Variants in DOCK7 observed in about 807,000 individuals in gnomAD.
The protein encoded by DOCK7 is dedicator of cytokinesis protein 7.
A neutral mutation model predicts 271.0 loss-of-function variants in DOCK7; 138 were observed. The observed-to-expected ratio is 0.51, with a 90% CI of 0.44 to 0.59. The LOEUF (loss-of-function observed/expected upper bound fraction) is 0.59. DOCK7 is among the 20% of genes least tolerant of loss of function. DOCK7 has a pLI of 0.00. For missense variants in DOCK7, 2,066 were observed against 2,592.4 expected (o/e 0.80, Z 4.41); for synonymous variants, 823 against 876.1 (o/e 0.94, Z 1.07).
chr1:62,529,251 A>T (rs750660471), intron 30 of DOCK7, 26 bp downstream of exon 30: 3 of 1,546,220 alleles, frequency 1.9e-6, no homozygotes. Context: ...TTTGCCTTTA[A>T]TATTTGCCTT....
At chr1:62,660,267 G>A (rs1296271589) in intron 2 of DOCK7, among the ~76,000 whole-genome samples, 1 of 152,102 alleles carries the variant, frequency 6.6e-6, no homozygotes, top group African/African-American at 2.4e-5. Context: ...GCAACAGAAA[G>A]ATAATAGGAA....
At chr1:62,607,726 G>A (rs1557793925) in intron 14 of DOCK7, 1 of 152,116 alleles carries the variant, frequency 6.6e-6, no homozygotes, top group Non-Finnish European at 1.5e-5. Flanking sequence ...ATCTTATTGG[G>A]ATCTTAGCTT....
intron 43 of DOCK7, chr1:62,483,309 G>T (rs1263809146): frequency 6.7e-6 from 1 of 149,552 alleles, no homozygotes; most frequent in African/African-American, 2.5e-5. Flanking sequence ...GGGATTACAG[G>T]TGTCAGCCAC....
At chr1:62,653,868 C>A in intron 3 of DOCK7, 75 bp from the exon 4 acceptor site, 1 of 1,461,452 alleles carries the variant, frequency 6.8e-7, no homozygotes, top group Non-Finnish European at 9.5e-7. Flanking sequence ...TTGCTACAAT[C>A]GCTGTTTGCG....
At chr1:62,554,685 A>G (rs1646079818) in intron 21 of DOCK7, among the ~76,000 whole-genome samples, 1 of 152,138 alleles carries the variant, frequency 6.6e-6, no homozygotes, top group Non-Finnish European at 1.5e-5. Flanking sequence ...CTTTCAGGTC[A>G]GCATGTAAAA....
At chr1:62,524,175 T>C (rs746712376) in intron 31 of DOCK7, among the ~76,000 whole-genome samples, 41 of 152,200 alleles carry the variant, frequency 2.7e-4, no homozygotes, top group Admixed American at 3.9e-4. Context: ...GAGATTCAAC[T>C]ATAAATGACC....
intron 19 of DOCK7, among the ~76,000 whole-genome samples, chr1:62,560,682 G>GT (rs1477672227): frequency 6.6e-6 from 1 of 152,006 alleles, no homozygotes; most frequent in East Asian, 1.9e-4. Context: ...TTAGACTACT[G>GT]TAACTCTGTA....
intron 1 of DOCK7, among the ~76,000 whole-genome samples, chr1:62,671,339 GA>G (rs1473987372): frequency 6.6e-6 from 1 of 152,204 alleles, no homozygotes; most frequent in African/African-American, 2.4e-5. Context: ...GAATAGAAAA[GA>G]AAAATTCATA....
chr1:62,513,402 T>G lies in DOCK7; in HGVS notation c.4282+42A>C. On this transcript the variant is annotated intron_variant, in intron 33 of 49. Transcript: ENST00000635253. ...TGACATTGAAGACTAGCAACAATGA[T>G]CATTACAATATACAACTCAAGGAAA... The G allele has an allele frequency of 1.3e-6, 2 of 1,541,852 alleles. 1 individual carries two copies.
intron 48 of DOCK7, among the ~76,000 whole-genome samples, chr1:62,468,240 A>G (rs1028942210): frequency 6.6e-6 from 1 of 151,916 alleles, no homozygotes; most frequent in African/African-American, 2.4e-5. Flanking sequence ...AGGCGCCTGT[A>G]ATCCCAGCAA....
chr1:62,688,254 C>G lies in DOCK7; in HGVS notation c.11G>C (p.Arg4Pro). 1 of 1,363,194 alleles carries G rather than the reference C, an allele frequency of 7.3e-7. No homozygotes were observed. Among genetic ancestry groups the G allele is most frequent in the Non-Finnish European group, 9.6e-7 (1 of 1,044,088 alleles). The allele number at this position is 1,363,194 out of a possible 1,614,324, so 84.4% of individuals were successfully genotyped here. ...GCTGATCTTCTGGGCGAAGGCGCGGCGCTCGGCCATGGCTGCTGCGGCGAC... is the reference window on the plus strand; with the variant it reads ...GCTGATCTTCTGGGCGAAGGCGCGGGGCTCGGCCATGGCTGCTGCGGCGAC... MAE[R>P]RAFAQKISRT... is the part of the protein sequence containing the mutation. The change falls in exon 1 of 50, where the codon CGC (arginine) becomes CCC (proline). Residue 4 changes from arginine (R) to proline (P), a missense_variant. Physicochemically the swap from Arg to Pro is moderately radical, Grantham distance 103. This residue lies in a region of DOCK7 where 1,414 missense variants were observed against 1,670.4 expected (regional missense o/e 0.85). Coordinates refer to ENST00000635253, the MANE Select transcript of DOCK7 (RefSeq NM_001367561.1).
At chr1:62,554,809 A>G (rs1410545507) in intron 21 of DOCK7, among the ~76,000 whole-genome samples, 2 of 152,236 alleles carry the variant, frequency 1.3e-5, no homozygotes, top group Non-Finnish European at 2.9e-5. Flanking sequence ...CTCAAGTGGT[A>G]TAATTTTAAA....
At chr1:62,594,243 G>A (rs965077538) in intron 14 of DOCK7, among the ~76,000 whole-genome samples, 3 of 152,034 alleles carry the variant, frequency 2.0e-5, no homozygotes, top group African/African-American at 7.2e-5. Context: ...GTATTAAAAG[G>A]CAGGCAGAAA....
At chr1:62,594,880 T>C (rs1648993001) in intron 14 of DOCK7, among the ~76,000 whole-genome samples, 1 of 152,146 alleles carries the variant, frequency 6.6e-6, no homozygotes, top group South Asian at 2.1e-4. Context: ...TCAGGGTCAA[T>C]AGTTATAAGC....
chr1:62,596,942 C>A (rs1197213127), intron 14 of DOCK7, among the ~76,000 whole-genome samples: 1 of 151,888 alleles, frequency 6.6e-6, no homozygotes, highest in Non-Finnish European at 1.5e-5. Flanking sequence ...ATGGTTAAGA[C>A]ATATAAGGTG....
chr1:62,528,091 A>G (rs1645066996), intron 31 of DOCK7, 60 bp downstream of exon 31: 1 of 1,540,912 alleles, frequency 6.5e-7, no homozygotes, highest in African/African-American at 1.4e-5. Flanking sequence ...ATTTAAGGGC[A>G]TATCCTAGTA....
intron 7 of DOCK7, chr1:62,641,671 G>T: frequency 2.3e-6 from 1 of 430,842 alleles, no homozygotes. Flanking sequence ...TGGCCGCTGG[G>T]CAACCCGGAG....
intron 18 of DOCK7, among the ~76,000 whole-genome samples, chr1:62,563,343 T>G (rs1403860913): frequency 6.6e-6 from 1 of 152,140 alleles, no homozygotes; most frequent in Non-Finnish European, 1.5e-5. Flanking sequence ...AATTAAAAAT[T>G]ATTCATCATA....
In DOCK7 at chr1:62,528,315, A is replaced by G; in HGVS notation, c.3782-10T>C. 1 of 1,602,096 alleles carries G rather than the reference A, an allele frequency of 6.2e-7. No individual in the cohort carries two copies. The highest frequency in any genetic ancestry group is 8.5e-7 in the Non-Finnish European group (1 of 1,173,614). On this transcript the variant is annotated splice_polypyrimidine_tract_variant and intron_variant, in intron 30 of 49. Transcript: ENST00000635253. ...CGTTGATTGTGAGTTTCTAAAGAAA[A>G]ATAATCCAAAAAAATAAATAAAACT... is the stretch of plus-strand genomic sequence containing the variant.
Sources: gnomAD v4.1 joint callset for allele counts (sites outside exome capture counted in the v4.1 genomes callset) on GRCh38, gnomAD v4.1.1 for gene constraint, gnomAD v4.1.1 regional missense constraint, MANE v1.5 for transcripts, NCBI Gene and HGNC (gene_info 2026-07-23, HGNC 2026-07-21) for gene names.